The following ANO1 variants were observed in gnomAD, a reference collection of about 807,000 sequenced individuals.
ANO1 encodes anoctamin 1.
In ANO1, 59 loss-of-function variants were observed where a neutral mutation model predicts 124.0. The observed-to-expected ratio is 0.48, with a 90% CI of 0.39 to 0.59. The LOEUF is 0.59. Ranked by LOEUF, ANO1 falls within the 20% of genes least tolerant of loss-of-function variation. The pLI is 0.00. For synonymous variants in ANO1, 529 were observed against 532.0 expected (o/e 0.99, Z 0.08); for missense variants, 1,059 against 1,328.0 (o/e 0.80, Z 3.15).
At chr11:69,988,864 G>A (rs1554997158) in intron 1 of ANO1, among the ~76,000 whole-genome samples, 1 of 151,986 alleles carries the variant, frequency 6.6e-6, no homozygotes, top group Non-Finnish European at 1.5e-5. Context: ...CAACCCACAT[G>A]CCTCTCTGCA....
intron 1 of ANO1, chr11:70,056,101 T>G (rs1857428653): frequency 6.6e-6 from 1 of 152,106 alleles, no homozygotes; most frequent in African/African-American, 2.4e-5. Flanking sequence ...TATATTTTCC[T>G]TTCCAATGTT....
chr11:70,057,664 C>T (rs1387053392), intron 1 of ANO1, among the ~76,000 whole-genome samples: 2 of 151,914 alleles, frequency 1.3e-5, no homozygotes, highest in Admixed American at 1.3e-4. Context: ...GACTCATTGT[C>T]CAGGGGAGGA....
chr11:69,998,745 C>T (rs1478675157), intron 1 of ANO1, among the ~76,000 whole-genome samples: 2 of 152,054 alleles, frequency 1.3e-5, no homozygotes, highest in East Asian at 3.9e-4. Context: ...GTCAGGAGTT[C>T]GAGACCATCC....
chr11:70,042,155 G>T (rs548341985), intron 1 of ANO1, among the ~76,000 whole-genome samples: 61 of 152,126 alleles, frequency 4.0e-4, no homozygotes, highest in Non-Finnish European at 8.1e-4. Flanking sequence ...AGTAACAGGG[G>T]TCAGACTTAA....
At chr11:70,058,723 A>G (rs1857497445) in intron 1 of ANO1, among the ~76,000 whole-genome samples, 1 of 152,216 alleles carries the variant, frequency 6.6e-6, no homozygotes, top group Non-Finnish European at 1.5e-5. Context: ...AAGTAAAAGT[A>G]CTGTCCAGTC....
At chr11:70,187,236 A>G (rs976084552) in intron 25 of ANO1, among the ~76,000 whole-genome samples, 3 of 152,246 alleles carry the variant, frequency 2.0e-5, no homozygotes, top group African/African-American at 7.2e-5. Flanking sequence ...TGCTTGCTGG[A>G]CAGATGTTCA....
At chr11:70,121,063 A>G (rs12576059) in intron 8 of ANO1, among the ~76,000 whole-genome samples, 150,787 of 152,242 alleles carry the variant, frequency 0.99, 74,691 homozygotes, top group East Asian at 1. Context: ...GAAAGCTGGG[A>G]GTAGGCCCCC....
chr11:70,085,771 TC>T, intron 1 of ANO1: 1 of 1,330,200 alleles, frequency 7.5e-7, no homozygotes, highest in Non-Finnish European at 9.9e-7. Context: ...CCTCCCCCTC[TC>T]CCCCACTGCA....
intron 1 of ANO1, among the ~76,000 whole-genome samples, chr11:70,079,054 C>T (rs2044123740): frequency 6.6e-6 from 1 of 152,144 alleles, no homozygotes; most frequent in African/African-American, 2.4e-5. Flanking sequence ...GAGCTCACGG[C>T]TGGCGCCCTG....
chr11:70,115,224 G>T (rs374776718), intron 7 of ANO1, among the ~76,000 whole-genome samples: 58 of 152,204 alleles, frequency 3.8e-4, no homozygotes, highest in African/African-American at 1.3e-3. Flanking sequence ...ACCTGGCAGG[G>T]GTTAGAAGGG....
intron 1 of ANO1, among the ~76,000 whole-genome samples, chr11:70,084,373 T>C (rs953224522): frequency 1.3e-5 from 2 of 152,168 alleles, no homozygotes; most frequent in Non-Finnish European, 2.9e-5. Context: ...GTATCTGCCA[T>C]TGGGTGGCCA....
At chr11:70,014,749 G>A (rs1200564774) in intron 1 of ANO1, 3 of 152,004 alleles carry the variant, frequency 2.0e-5, no homozygotes, top group Non-Finnish European at 2.9e-5. Flanking sequence ...GGTTCCAGCT[G>A]ATGCTCCCAC....
intron 2 of ANO1, among the ~76,000 whole-genome samples, chr11:70,099,286 A>G (rs1275104476): frequency 6.6e-6 from 1 of 151,948 alleles, no homozygotes; most frequent in African/African-American, 2.4e-5. Context: ...AACATCCCAC[A>G]TGTGTTTTTG....
intron 10 of ANO1, among the ~76,000 whole-genome samples, chr11:70,128,171 ACCCCCG>A (rs753050549): frequency 3.1e-4 from 18 of 58,152 alleles, no homozygotes; most frequent in Non-Finnish European, 6.3e-4. Flanking sequence ...CCCCACCCCC[ACCCCCG>A]AATCAAAGCT....
intron 2 of ANO1, among the ~76,000 whole-genome samples, chr11:70,090,107 C>T (rs762707169): frequency 3.3e-5 from 5 of 152,186 alleles, no homozygotes; most frequent in Admixed American, 2.6e-4. Context: ...CTGCAAGCTC[C>T]GCCTCCCGAG....
chr11:70,093,545 T>C (rs1409071304), intron 2 of ANO1, among the ~76,000 whole-genome samples: 1 of 152,210 alleles, frequency 6.6e-6, no homozygotes, highest in East Asian at 1.9e-4. Flanking sequence ...GGGGGGCGGC[T>C]GAGGCCCACA....
chr11:69,986,356 G>T (rs1258230167), intron 1 of ANO1, among the ~76,000 whole-genome samples: 1 of 152,036 alleles, frequency 6.6e-6, no homozygotes, highest in African/African-American at 2.4e-5. Flanking sequence ...CGAGAGGGGA[G>T]GGACTGTGTC....
At chr11:70,039,955 T>C (rs1473380108) in intron 1 of ANO1, among the ~76,000 whole-genome samples, 35 of 152,146 alleles carry the variant, frequency 2.3e-4, no homozygotes, top group African/African-American at 8.4e-4. Context: ...AAGCCTCTGC[T>C]AGATGACCCA....
upstream of ANO1, chr11:70,074,911 C>A (rs11232979): frequency 6.6e-6 from 1 of 152,058 alleles, no homozygotes. Context: ...TAGAAGAGAC[C>A]TTTGCCTCCC....
Sources: allele counts gnomAD v4.1 joint callset (sites outside exome capture counted in the v4.1 genomes callset), GRCh38; gene constraint gnomAD v4.1.1; transcripts MANE v1.5; gene names NCBI Gene and HGNC (gene_info 2026-07-23, HGNC 2026-07-21).